MGAT4C: variants seen among roughly 807,000 people sequenced by gnomAD.
MGAT4C encodes the protein alpha-1,3-mannosyl-glycoprotein 4-beta-N-acetylglucosaminyltransferase C.
MGAT4C carries 19 observed loss-of-function variants against 40.1 expected under a neutral mutation model. The ratio of observed to expected loss-of-function variants is 0.47; its 90% CI spans 0.33 to 0.70. The LOEUF is 0.70. MGAT4C is among the 30% of genes least tolerant of loss of function. MGAT4C has a pLI of 0.02. For synonymous variants in MGAT4C, 181 were observed against 187.1 expected (o/e 0.97, Z 0.27); for missense variants, 491 against 563.2 (o/e 0.87, Z 1.30).
chr12:86,031,948 GT>G (rs1890793520), intron 2 of MGAT4C, among the ~76,000 whole-genome samples: 1 of 151,750 alleles, frequency 6.6e-6, no homozygotes, highest in Non-Finnish European at 1.5e-5. Flanking sequence ...CCTAGTGTCT[GT>G]TGTTCTCTTA....
At chr12:86,283,385 G>A (rs1044910523) in intron 4 of MGAT4C, among the ~76,000 whole-genome samples, 3 of 151,698 alleles carry the variant, frequency 2.0e-5, no homozygotes, top group Non-Finnish European at 4.4e-5. Flanking sequence ...ATATATTTAT[G>A]TTATATCAAG....
At chr12:86,796,124 T>G (rs986002614) in intron 1 of MGAT4C, among the ~76,000 whole-genome samples, 8 of 151,548 alleles carry the variant, frequency 5.3e-5, no homozygotes, top group Non-Finnish European at 1.2e-4. Flanking sequence ...GACCTAACCT[T>G]TAAGAATTTC....
chr12:86,187,666 C>A, intron 1 of MGAT4C, among the ~76,000 whole-genome samples: 1 of 150,432 alleles, frequency 6.6e-6, no homozygotes, highest in Admixed American at 6.6e-5. Flanking sequence ...CTATAACGGG[C>A]AAATAAGCAG....
At chr12:86,343,910 G>GGCT (rs1194865539) in intron 3 of MGAT4C, among the ~76,000 whole-genome samples, 5 of 151,824 alleles carry the variant, frequency 3.3e-5, no homozygotes, top group Non-Finnish European at 5.9e-5. Flanking sequence ...ACATATGAGT[G>GGCT]CACGCCTGCT....
In MGAT4C at chr12:86,519,752, A is replaced by G. The variant is rs143044521; in HGVS notation, c.-228-84487T>C. Among the ~76,000 whole-genome samples, 63 of 152,230 alleles carry G rather than the reference A, an allele frequency of 4.1e-4. No homozygotes were observed. The East Asian group carries it at 0.011, about 28-fold the overall frequency. ...ATTTTACCTATTTTTAAATCAGACTATCTGCATTGTTTTCTTTTGCTATTT... is the reference window on the plus strand; with the variant it reads ...ATTTTACCTATTTTTAAATCAGACTGTCTGCATTGTTTTCTTTTGCTATTT... On this transcript the variant is annotated intron_variant, in intron 2 of 7. Transcript: ENST00000548651.
rs976958591 is a variant in MGAT4C at position 85,970,349 on chromosome 12, C to T, written c.*8940G>A. On this transcript the variant is annotated 3_prime_UTR_variant, in exon 5 of 5. Transcript: ENST00000611864. The stretch of plus-strand genomic sequence containing the variant: ...AATCAAATGGTAAATTTTGAATCAT[C>T]TGGTAAAAATGGACAAAATTTAGTT... The T allele has an allele frequency of 5.3e-5, 8 of 151,108 alleles. No homozygotes were observed. Among genetic ancestry groups the T allele is most frequent in the Non-Finnish European group, 8.9e-5 (6 of 67,378 alleles). The allele number at this position is 151,108 out of a possible 1,614,324, so 9.4% of individuals were successfully genotyped here.
intron 4 of MGAT4C, among the ~76,000 whole-genome samples, chr12:86,278,202 G>C (rs1463813745): frequency 4.1e-5 from 2 of 48,232 alleles, no homozygotes; most frequent in African/African-American, 1.3e-4. Context: ...TTTTTAAGAT[G>C]GAGTTTTGAT....
intron 1 of MGAT4C, among the ~76,000 whole-genome samples, chr12:86,220,750 A>T (rs950219544): frequency 6.6e-6 from 1 of 152,196 alleles, no homozygotes; most frequent in Admixed American, 6.5e-5. Flanking sequence ...TGACAGTAGC[A>T]TTATCACTCC....
chr12:86,580,265 A>G (rs1014442182), intron 2 of MGAT4C, among the ~76,000 whole-genome samples: 6 of 151,500 alleles, frequency 4.0e-5, no homozygotes, highest in African/African-American at 1.5e-4. Flanking sequence ...CCTACATGCT[A>G]TATTTTCTCT....
At chr12:85,985,846 G>C (rs1453569169) in intron 3 of MGAT4C, among the ~76,000 whole-genome samples, 1 of 152,110 alleles carries the variant, frequency 6.6e-6, no homozygotes, top group Non-Finnish European at 1.5e-5. Flanking sequence ...TAGTAATGTA[G>C]TGATGTACAT....
At chr12:86,038,156 G>A (rs1482785787) in intron 2 of MGAT4C, among the ~76,000 whole-genome samples, 3 of 149,806 alleles carry the variant, frequency 2.0e-5, no homozygotes, top group African/African-American at 7.3e-5. Context: ...TGATCTACAG[G>A]TGTGATGGTT....
chr12:86,199,950 A>C (rs888536688), intron 1 of MGAT4C, among the ~76,000 whole-genome samples: 1 of 152,056 alleles, frequency 6.6e-6, no homozygotes, highest in Non-Finnish European at 1.5e-5. Flanking sequence ...ATGAATGCAC[A>C]GTACAAGTAA....
At chr12:86,603,774 ATATACTATATAATATATAGTATATAT>A (rs1272902003) in intron 2 of MGAT4C, among the ~76,000 whole-genome samples, 4 of 72,204 alleles carry the variant, frequency 5.5e-5, no homozygotes, top group Non-Finnish European at 8.1e-5. Context: ...GTATAATTAT[ATATACTATATAATATATAGTATATAT>A]ATTATATAGT....
rs148538486 is a variant in MGAT4C at position 86,708,562 on chromosome 12, T to G, written c.-229+18647A>C. ...ATGGTAGATCCACTGACAGCTTGCA[T>G]GGTGCACCCAGAAAAGCCACAGACA... is the stretch of plus-strand genomic sequence containing the variant. On this transcript the variant is annotated intron_variant, in intron 2 of 7. Transcript: ENST00000548651. Among the ~76,000 whole-genome samples, 1,307 of 152,216 alleles carry G rather than the reference T, an allele frequency of 8.6e-3. 7 individuals carry two copies. Among genetic ancestry groups the G allele is most frequent in the Middle Eastern group, 0.017 (5 of 294 alleles).
intron 2 of MGAT4C, among the ~76,000 whole-genome samples, chr12:86,703,226 A>G (rs1180849001): frequency 6.6e-6 from 1 of 152,214 alleles, no homozygotes. Flanking sequence ...GATGCTATGA[A>G]CAGTTTCAAA....
chr12:86,469,286 G>A (rs1957725178), intron 2 of MGAT4C, among the ~76,000 whole-genome samples: 1 of 152,102 alleles, frequency 6.6e-6, no homozygotes, highest in Admixed American at 6.6e-5. Context: ...AGTGTGAGCT[G>A]TACCTAGAGA....
chr12:86,203,489 C>T (rs973797574), intron 1 of MGAT4C, among the ~76,000 whole-genome samples: 2 of 151,814 alleles, frequency 1.3e-5, no homozygotes, highest in African/African-American at 4.9e-5. Context: ...TGGAATCCTT[C>T]TTTTGCAGAA....
intron 1 of MGAT4C, among the ~76,000 whole-genome samples, chr12:86,062,259 C>A (rs1470935766): frequency 6.6e-6 from 1 of 152,154 alleles, no homozygotes; most frequent in Non-Finnish European, 1.5e-5. Flanking sequence ...CTCCAGCAAA[C>A]TCCAGCAGAC....
intron 3 of MGAT4C, among the ~76,000 whole-genome samples, chr12:86,390,528 T>C (rs1956144136): frequency 6.6e-6 from 1 of 152,172 alleles, no homozygotes; most frequent in African/African-American, 2.4e-5. Context: ...AATATAATCC[T>C]GTGTACTTAT....
Sources: allele counts gnomAD v4.1 joint callset (sites outside exome capture counted in the v4.1 genomes callset), GRCh38; gene constraint gnomAD v4.1.1; transcripts MANE v1.5; gene names NCBI Gene and HGNC (gene_info 2026-07-23, HGNC 2026-07-21).